POLD3: variants seen among roughly 807,000 people sequenced by gnomAD.
POLD3 encodes DNA polymerase delta subunit 3.
In POLD3, 19 loss-of-function variants were observed where a neutral mutation model predicts 58.2. That is an observed-to-expected ratio of 0.33 (90% CI 0.23 to 0.48). The LOEUF (loss-of-function observed/expected upper bound fraction) is 0.48. Among genes scored for constraint, POLD3 ranks in the 20% least tolerant of loss-of-function variants. The probability of loss-of-function intolerance (pLI) is 0.99; values close to 1 mark genes in which losing one functional copy is unlikely to be tolerated. For missense variants in POLD3, 504 were observed against 545.5 expected, an observed-to-expected ratio of 0.92 and a Z score of 0.76; for synonymous variants, 172 against 193.5, an observed-to-expected ratio of 0.89 and a Z score of 0.92.
intron 4 of POLD3, among the ~76,000 whole-genome samples, chr11:74,663,824 A>G (rs2033233871): frequency 6.6e-6 from 1 of 152,196 alleles, no homozygotes; most frequent in South Asian, 2.1e-4. Context: ...TAGGAAAACC[A>G]TAGAATGTGA....
chr11:74,668,658 G>T, intron 4 of POLD3: 1 of 593,656 alleles, frequency 1.7e-6, no homozygotes, highest in Non-Finnish European at 2.8e-6. Flanking sequence ...GTGAGTAAGG[G>T]GTGGGTGGGA....
At chr11:74,633,008 T>C (rs1200886504) in intron 9 of POLD3, among the ~76,000 whole-genome samples, 2 of 151,920 alleles carry the variant, frequency 1.3e-5, no homozygotes, top group Non-Finnish European at 2.9e-5. Context: ...AGTGGGGATC[T>C]AGATAAACAT....
At chr11:74,608,139 GT>G (rs1384082488) in intron 3 of POLD3, among the ~76,000 whole-genome samples, 1 of 152,072 alleles carries the variant, frequency 6.6e-6, no homozygotes, top group African/African-American at 2.4e-5. Flanking sequence ...GCTGAGATTA[GT>G]TTTAATCATT....
intron 4 of POLD3, among the ~76,000 whole-genome samples, chr11:74,648,329 G>A (rs2033026626): frequency 6.6e-6 from 1 of 152,142 alleles, no homozygotes; most frequent in African/African-American, 2.4e-5. Flanking sequence ...TGTTCTAGCT[G>A]GCCTGGGGAG....
chr11:74,633,702 A>G (rs2032661302), intron 9 of POLD3, among the ~76,000 whole-genome samples: 1 of 152,202 alleles, frequency 6.6e-6, no homozygotes, highest in Non-Finnish European at 1.5e-5. Context: ...GCAATTGTTG[A>G]GAAATGATGG....
chr11:74,603,750 G>T (rs1156721973), intron 2 of POLD3, among the ~76,000 whole-genome samples: 2 of 152,158 alleles, frequency 1.3e-5, no homozygotes, highest in Non-Finnish European at 2.9e-5. Flanking sequence ...TCTTCAAGAA[G>T]AGAGTGAACA....
At chr11:74,645,283 C>T (rs148105100), downstream of POLD3, among the ~76,000 whole-genome samples, 12 of 152,288 alleles carry the variant, frequency 7.9e-5, no homozygotes, top group East Asian at 5.8e-4. Flanking sequence ...TGTACATTCA[C>T]GGTGTAAGTA....
rs2032896486 is a variant in POLD3 at position 74,640,905 on chromosome 11, T to C, written c.*139T>C. On this transcript the variant is annotated 3_prime_UTR_variant, in exon 12 of 12. Coordinates refer to ENST00000263681, the MANE Select transcript of POLD3 (RefSeq NM_006591.3). ...GACTGTTCTTTCATCCTGTGAGGTT[T>C]ATACTATTTCTGGTTTTTAACCAAA... The C allele has an allele frequency of 7.7e-7, 1 of 1,296,996 alleles. No homozygotes were observed. The highest frequency in any genetic ancestry group is 3.9e-5 in the Admixed American group (1 of 25,728). The allele number at this position is 1,296,996 out of a possible 1,614,324, so 80.3% of individuals were successfully genotyped here.
intron 7 of POLD3, among the ~76,000 whole-genome samples, chr11:74,621,475 A>G (rs550430111): frequency 6.6e-6 from 1 of 151,456 alleles, no homozygotes; most frequent in East Asian, 1.9e-4. Context: ...CCTGGTGCCA[A>G]AAAGGTTGGG....
Position 74,611,903 on chromosome 11 carries a change from C to T in POLD3, c.259+365C>T, listed in dbSNP as rs568924911. Reference sequence around the variant, plus strand: ...GCTTTTCTGGAAGTCAGAAAGACTTCTAAATAACTTCTAAATTAAATTTGT... The same window carrying T: ...GCTTTTCTGGAAGTCAGAAAGACTTTTAAATAACTTCTAAATTAAATTTGT... On this transcript the variant is annotated intron_variant, in intron 4 of 11. Coordinates refer to ENST00000263681, the MANE Select transcript of POLD3 (RefSeq NM_006591.3). Among the ~76,000 whole-genome samples, 189 of 152,278 alleles carry T rather than the reference C, an allele frequency of 1.2e-3. 2 individuals are homozygous for T. The highest frequency in any genetic ancestry group is 4.4e-3 in the African/African-American group (181 of 41,566).
intron 3 of POLD3, among the ~76,000 whole-genome samples, chr11:74,608,686 G>A (rs756674602): frequency 4.1e-4 from 63 of 152,254 alleles, no homozygotes; most frequent in Non-Finnish European, 7.9e-4. Context: ...TAGCCACACG[G>A]ACCTGTCTGG....
At chr11:74,635,734 A>C (rs557084918) in intron 10 of POLD3, among the ~76,000 whole-genome samples, 160 of 152,316 alleles carry the variant, frequency 1.1e-3, no homozygotes, top group African/African-American at 3.8e-3. Context: ...CTGACATAGC[A>C]AGTATCTACA....
At chr11:74,632,004 CAAAAA>C (rs556242193) in intron 9 of POLD3, among the ~76,000 whole-genome samples, 1 of 148,404 alleles carries the variant, frequency 6.7e-6, no homozygotes, top group African/African-American at 2.5e-5. Context: ...CTTTTTAAAG[CAAAAA>C]AAAAGGCCAG....
chr11:74,609,653 T>G (rs978533568), intron 3 of POLD3, among the ~76,000 whole-genome samples: 3 of 151,924 alleles, frequency 2.0e-5, no homozygotes, highest in African/African-American at 4.8e-5. Flanking sequence ...AGTGCTGAGA[T>G]TACAGGCGTG....
intron 9 of POLD3, among the ~76,000 whole-genome samples, 194 bp from the exon 10 acceptor site, chr11:74,634,389 T>C (rs1037883424): frequency 1.3e-5 from 2 of 152,260 alleles, no homozygotes; most frequent in African/African-American, 4.8e-5. Flanking sequence ...CTTGATTCTC[T>C]GATTTTATTT....
rs529366421 is a variant in POLD3, at chr11:74,666,426, G to GCC, written c.370-2350_370-2349dup. 2.9e-3 allele frequency among the ~76,000 whole-genome samples: 442 copies of GCC among 152,198 alleles called. 2 individuals are homozygous for GCC. The highest frequency in any genetic ancestry group is 5.5e-3 in the Non-Finnish European group (377 of 67,998). ...ACCTGAGGTCAGGAGTTCGAGACCAGCCTGGCCAACATGGTGAAACCCTGT... is the reference window on the plus strand; with the variant it reads ...ACCTGAGGTCAGGAGTTCGAGACCAGCCCCTGGCCAACATGGTGAAACCCTGT... On this transcript the variant is annotated intron_variant, in intron 4 of 4. Transcript: ENST00000524752.
chr11:74,595,489 GT>G lies in POLD3; in HGVS notation c.116+1377del, dbSNP rs1458675477. The G allele has an allele frequency of 6.6e-4, 100 of 152,212 alleles. 1 individual carries two copies. The highest frequency in any genetic ancestry group is 2.3e-3 in the African/African-American group (95 of 41,534). The allele number at this position is 152,212 out of a possible 1,614,324, so 9.4% of individuals were successfully genotyped here. On this transcript the variant is annotated intron_variant, in intron 2 of 11. Coordinates refer to ENST00000263681, the MANE Select transcript of POLD3 (RefSeq NM_006591.3). ...ATTGGGTATTTTTGGTTGTTGTTGA[GT>G]TTTAAGAGTTCTTTATATATTCTGA... is the stretch of plus-strand genomic sequence containing the variant.
chr11:74,640,935 A>G lies in POLD3; in HGVS notation c.*169A>G, dbSNP rs986831767. 3 of 1,262,094 alleles carry G rather than the reference A, an allele frequency of 2.4e-6. No homozygotes were observed. The highest frequency in any genetic ancestry group is 3.0e-6 in the Non-Finnish European group (3 of 1,005,198). 78.2% of individuals were successfully genotyped at this position (1,262,094 alleles called of 1,614,324 possible). A position where few individuals can be genotyped will look rare whatever the true frequency, so the allele number is the denominator to read the frequency against. ...TATTTCTGGTTTTTAACCAAAAGGA[A>G]ATCATCTGGAAGCAGGAGGCAAAAA... On this transcript the variant is annotated 3_prime_UTR_variant, in exon 12 of 12. Coordinates refer to ENST00000263681, the MANE Select transcript of POLD3 (RefSeq NM_006591.3).
At chr11:74,622,178 T>G (rs529196216) in intron 7 of POLD3, among the ~76,000 whole-genome samples, 57 of 152,314 alleles carry the variant, frequency 3.7e-4, no homozygotes, top group South Asian at 8.3e-4. Context: ...ATTTCATCCG[T>G]GTCCCTACAA....
Sources: allele counts gnomAD v4.1 joint callset (sites outside exome capture counted in the v4.1 genomes callset), GRCh38; gene constraint gnomAD v4.1.1; transcripts MANE v1.5; gene names NCBI Gene and HGNC (gene_info 2026-07-23, HGNC 2026-07-21).